CDH12: variants seen among roughly 807,000 people sequenced by gnomAD.
CDH12 encodes cadherin 12.
Under a neutral mutation model 74.1 loss-of-function variants are expected in CDH12, and 41 were observed. That is an observed-to-expected ratio of 0.55 (90% confidence interval 0.43 to 0.72). CDH12 has a LOEUF of 0.72. Ranked by LOEUF, CDH12 falls within the 30% of genes least tolerant of loss-of-function variation. CDH12 has a pLI of 0.00. For missense variants in CDH12, 945 were observed against 977.2 expected, an observed-to-expected ratio of 0.97 and a Z score of 0.44; for synonymous variants, 399 against 355.0, an observed-to-expected ratio of 1.12 and a Z score of -1.39.
intron 1 of CDH12, among the ~76,000 whole-genome samples, chr5:22,589,472 T>C (rs1342528295): frequency 6.6e-6 from 1 of 152,224 alleles, no homozygotes; most frequent in East Asian, 1.9e-4. Flanking sequence ...TTGCTTTCAC[T>C]TCACTTTCCT....
At chr5:22,445,948 G>A (rs958054063) in intron 2 of CDH12, among the ~76,000 whole-genome samples, 1 of 152,046 alleles carries the variant, frequency 6.6e-6, no homozygotes, top group South Asian at 2.1e-4. Context: ...GCATTTCATG[G>A]TACACTTCTA....
At chr5:21,917,024 G>C (rs1230867942) in intron 6 of CDH12, among the ~76,000 whole-genome samples, 2 of 152,140 alleles carry the variant, frequency 1.3e-5, no homozygotes, top group Non-Finnish European at 2.9e-5. Context: ...AGTGGTCATA[G>C]AGCTGCCTTC....
intron 1 of CDH12, among the ~76,000 whole-genome samples, chr5:22,544,718 G>A (rs2126724249): frequency 6.6e-6 from 1 of 152,044 alleles, no homozygotes; most frequent in Middle Eastern, 3.4e-3. Flanking sequence ...TACAGAGGCT[G>A]AAGAACAAGC....
intron 1 of CDH12, among the ~76,000 whole-genome samples, chr5:22,535,363 A>G (rs1005282452): frequency 3.3e-5 from 5 of 151,706 alleles, no homozygotes; most frequent in Admixed American, 6.6e-5. Context: ...TCACCGTGTT[A>G]GCCAGGATGG....
chr5:22,415,268 T>C (rs1403175390), intron 2 of CDH12, among the ~76,000 whole-genome samples: 2 of 152,172 alleles, frequency 1.3e-5, no homozygotes, highest in Non-Finnish European at 2.9e-5. Flanking sequence ...GTAATTCCCA[T>C]TATAATTTTA....
intron 8 of CDH12, among the ~76,000 whole-genome samples, chr5:21,832,854 TG>T (rs1387867467): frequency 2.7e-5 from 2 of 73,664 alleles, no homozygotes; most frequent in African/African-American, 8.4e-5. Flanking sequence ...ATATGATATA[TG>T]ATATATATCA....
chr5:22,529,928 GTTC>G (rs1303857028), intron 1 of CDH12, among the ~76,000 whole-genome samples: 2 of 152,138 alleles, frequency 1.3e-5, no homozygotes, highest in East Asian at 1.9e-4. Flanking sequence ...CCTGTAGAAA[GTTC>G]TTCTGGGCAA....
At chr5:22,440,713 C>G (rs530845692) in intron 2 of CDH12, among the ~76,000 whole-genome samples, 1 of 152,214 alleles carries the variant, frequency 6.6e-6, no homozygotes, top group East Asian at 1.9e-4. Flanking sequence ...TTTGAACTGG[C>G]CATTCTCACA....
intron 6 of CDH12, among the ~76,000 whole-genome samples, chr5:21,966,824 G>A (rs1427979727): frequency 6.6e-6 from 1 of 151,894 alleles, no homozygotes; most frequent in African/African-American, 2.4e-5. Context: ...AAGATTTCCT[G>A]CTCTAAGTCC....
At chr5:22,252,234 G>A (rs1029746598) in intron 3 of CDH12, among the ~76,000 whole-genome samples, 3 of 151,906 alleles carry the variant, frequency 2.0e-5, no homozygotes, top group South Asian at 4.1e-4. Flanking sequence ...TGATAATCTA[G>A]TGTTAGATGT....
chr5:22,664,055 T>C (rs1381248888), intron 1 of CDH12, among the ~76,000 whole-genome samples: 1 of 152,192 alleles, frequency 6.6e-6, no homozygotes, highest in Non-Finnish European at 1.5e-5. Context: ...ATTAACATAA[T>C]GGTAAAAGAT....
chr5:22,034,929 A>G (rs1187043904), intron 5 of CDH12, among the ~76,000 whole-genome samples: 1 of 152,202 alleles, frequency 6.6e-6, no homozygotes, highest in Non-Finnish European at 1.5e-5. Flanking sequence ...CGCCATTGAC[A>G]GGTTCTTGAA....
intron 10 of CDH12, among the ~76,000 whole-genome samples, chr5:21,793,644 C>CT (rs1287999087): frequency 1.3e-5 from 2 of 151,520 alleles, no homozygotes; most frequent in Non-Finnish European, 3.0e-5. Context: ...TGTAGAGCTG[C>CT]TTACCATTTG....
intron 1 of CDH12, among the ~76,000 whole-genome samples, chr5:22,762,501 T>G (rs967087330): frequency 6.6e-6 from 1 of 152,110 alleles, no homozygotes; most frequent in African/African-American, 2.4e-5. Context: ...GTGTTAATGA[T>G]TCTTATTTCT....
Position 22,270,604 on chromosome 5 carries a change from A to AAAT in CDH12, c.-332-57962_-332-57961insATT, listed in dbSNP as rs1554026287. 4.8e-5 allele frequency among the ~76,000 whole-genome samples: 7 copies of AAAT among 145,262 alleles called. No homozygotes were observed. In the South Asian group the frequency reaches 1.1e-3, roughly 23 times the overall value. ...GGTGAGACACCGTCTCAAAAAAAAA[A>AAAT]ATATATATATATATATGTATACACA... On this transcript the variant is annotated intron_variant, in intron 3 of 14. Coordinates refer to ENST00000382254, the MANE Select transcript of CDH12 (RefSeq NM_004061.5).
chr5:22,725,674 A>G (rs1744130317), intron 1 of CDH12, among the ~76,000 whole-genome samples: 1 of 151,506 alleles, frequency 6.6e-6, no homozygotes, highest in South Asian at 2.1e-4. Context: ...CAAGGGCCCT[A>G]CCTCCTAATA....
chr5:22,843,294 A>G (rs1737158236), intron 1 of CDH12, among the ~76,000 whole-genome samples: 1 of 152,062 alleles, frequency 6.6e-6, no homozygotes, highest in South Asian at 2.1e-4. Flanking sequence ...CTAATGGACC[A>G]TCTTTAAATA....
intron 6 of CDH12, among the ~76,000 whole-genome samples, chr5:21,922,627 C>T (rs572425577): frequency 6.6e-6 from 1 of 152,236 alleles, no homozygotes; most frequent in African/African-American, 2.4e-5. Flanking sequence ...AAGGCTCATA[C>T]AGACATACAT....
intron 2 of CDH12, among the ~76,000 whole-genome samples, chr5:22,498,944 C>A (rs200391640): frequency 6.9e-6 from 1 of 145,920 alleles, no homozygotes; most frequent in Admixed American, 6.9e-5. Context: ...TGCCCTGACA[C>A]CCAGACTGGA....
Sources: gnomAD v4.1 joint callset for allele counts (sites outside exome capture counted in the v4.1 genomes callset) on GRCh38, gnomAD v4.1.1 for gene constraint, MANE v1.5 for transcripts, NCBI Gene and HGNC (gene_info 2026-07-23, HGNC 2026-07-21) for gene names.